Variants in SETBP1 observed in about 807,000 individuals in gnomAD.
SETBP1 encodes SET-binding protein.
Under a neutral mutation model 101.0 loss-of-function variants are expected in SETBP1, and 9 were observed. The observed-to-expected ratio is 0.09, with a 90% CI of 0.05 to 0.16. SETBP1 has a LOEUF of 0.16. Among genes scored for constraint, SETBP1 ranks in the 10% least tolerant of loss-of-function variants. The pLI is 1.00. For synonymous variants in SETBP1, 818 were observed against 788.5 expected, an observed-to-expected ratio of 1.04 and a Z score of -0.63; for missense variants, 1,858 against 2,033.8, an observed-to-expected ratio of 0.91 and a Z score of 1.66.
intron 4 of SETBP1, among the ~76,000 whole-genome samples, chr18:44,981,522 T>A (rs1425897850): frequency 6.6e-6 from 1 of 152,248 alleles, no homozygotes; most frequent in Non-Finnish European, 1.5e-5. Context: ...CCTTTGTCAA[T>A]AAAATCTGCA....
At chr18:44,731,327 G>A (rs536914144) in intron 2 of SETBP1, among the ~76,000 whole-genome samples, 46 of 152,278 alleles carry the variant, frequency 3.0e-4, no homozygotes, top group African/African-American at 1.0e-3. Context: ...CAGAAGCTGT[G>A]CTTTTTCCAC....
intron 2 of SETBP1, among the ~76,000 whole-genome samples, chr18:44,802,164 C>T (rs1004921320): frequency 8.5e-5 from 13 of 152,110 alleles, no homozygotes; most frequent in African/African-American, 3.1e-4. Context: ...ATTTTTTTTG[C>T]ATCAATGTCA....
chr18:44,781,400 C>T (rs1269124102), intron 2 of SETBP1, among the ~76,000 whole-genome samples: 1 of 151,860 alleles, frequency 6.6e-6, no homozygotes, highest in Non-Finnish European at 1.5e-5. Context: ...TTAATGTAAC[C>T]TCTTATCACC....
intron 4 of SETBP1, among the ~76,000 whole-genome samples, chr18:44,953,574 CCCTAATAGCTG>C (rs1409230389): frequency 6.6e-6 from 1 of 152,210 alleles, no homozygotes; most frequent in Non-Finnish European, 1.5e-5. Context: ...GAAGCCATAA[CCCTAATAGCTG>C]CCTAGGCTGC....
intron 1 of SETBP1, among the ~76,000 whole-genome samples, chr18:44,683,929 AG>A (rs1370622839): frequency 6.6e-6 from 1 of 152,220 alleles, no homozygotes; most frequent in Non-Finnish European, 1.5e-5. Context: ...TAGTATTGTA[AG>A]GAGGAGTTGC....
chr18:45,012,186 A>G (rs1366603448), intron 4 of SETBP1, among the ~76,000 whole-genome samples: 1 of 152,212 alleles, frequency 6.6e-6, no homozygotes, highest in Non-Finnish European at 1.5e-5. Context: ...TTATACTCAC[A>G]GTATTCCTGG....
At chr18:44,970,154 G>A (rs2071810946) in intron 4 of SETBP1, 1 of 154,666 alleles carries the variant, frequency 6.5e-6, no homozygotes, top group African/African-American at 2.4e-5. Context: ...CTTTGCTCAG[G>A]GACTCAAGCC....
At chr18:44,839,460 C>G (rs2144514815) in intron 2 of SETBP1, among the ~76,000 whole-genome samples, 1 of 126,122 alleles carries the variant, frequency 7.9e-6, no homozygotes, top group East Asian at 2.2e-4. Context: ...CGCACTGGCT[C>G]TTTGAGCATC....
chr18:44,799,584 G>T (rs1345562453), intron 2 of SETBP1, among the ~76,000 whole-genome samples: 1 of 148,490 alleles, frequency 6.7e-6, no homozygotes. Flanking sequence ...GCATCACAGG[G>T]ATAGTAATAT....
chr18:44,857,656 C>G (rs769338650), intron 2 of SETBP1, among the ~76,000 whole-genome samples: 12 of 152,154 alleles, frequency 7.9e-5, no homozygotes, highest in Non-Finnish European at 1.5e-5. Flanking sequence ...CTGTGTGTTA[C>G]ATTCATTTTG....
At chr18:44,747,608 C>T (rs1462626741) in intron 2 of SETBP1, among the ~76,000 whole-genome samples, 1 of 152,220 alleles carries the variant, frequency 6.6e-6, no homozygotes, top group African/African-American at 2.4e-5. Flanking sequence ...GCTGATGCCT[C>T]TGTCTGTTTC....
rs199603131 is a variant in SETBP1, at chr18:44,950,267, C to T, written c.927C>T (p.Asn309=). The T allele has an allele frequency of 4.2e-5, 67 of 1,614,024 alleles. No homozygotes were observed. In the Admixed American group the frequency reaches 5.3e-4, roughly 13 times the overall value. ...PAPPSSSAEC[N]GLQPLVDQDG... ...CACCCAGCAGCTCTGCTGAGTGCAA[C>T]GGGCTTCAGCCCTTGGTGGATCAAG... The change falls in exon 4 of 6, where the codon AAC becomes AAT. Residue 309 remains asparagine (N), a synonymous_variant. Transcript: ENST00000649279.
At chr18:44,716,075 A>AT (rs1021814551) in intron 2 of SETBP1, among the ~76,000 whole-genome samples, 5 of 151,658 alleles carry the variant, frequency 3.3e-5, no homozygotes, top group African/African-American at 9.7e-5. Flanking sequence ...CTTTCAGAAG[A>AT]TTTTTTTTTA....
At chr18:44,686,803 G>A (rs753319979) in intron 1 of SETBP1, among the ~76,000 whole-genome samples, 5 of 152,134 alleles carry the variant, frequency 3.3e-5, no homozygotes, top group Admixed American at 6.5e-5. Flanking sequence ...CCTTTCGGGG[G>A]TAATCACCCA....
intron 1 of SETBP1, among the ~76,000 whole-genome samples, chr18:44,692,556 A>C (rs1402052484): frequency 6.6e-6 from 1 of 152,152 alleles, no homozygotes; most frequent in East Asian, 1.9e-4. Flanking sequence ...CCTTGTCCTC[A>C]TGGAGCTTGT....
At chr18:44,989,726 G>A (rs890725482) in intron 4 of SETBP1, among the ~76,000 whole-genome samples, 6 of 151,038 alleles carry the variant, frequency 4.0e-5, no homozygotes, top group South Asian at 4.2e-4. Flanking sequence ...AAAATTAGCC[G>A]GGCATAGTGG....
chr18:44,967,184 G>C (rs1455285396), intron 4 of SETBP1, among the ~76,000 whole-genome samples: 1 of 152,176 alleles, frequency 6.6e-6, no homozygotes, highest in Admixed American at 6.5e-5. Flanking sequence ...AAGGTGTCAG[G>C]ATTATACCGT....
At chr18:44,787,778 C>T (rs1199188484) in intron 2 of SETBP1, among the ~76,000 whole-genome samples, 6 of 131,880 alleles carry the variant, frequency 4.5e-5, no homozygotes, top group African/African-American at 1.4e-4. Flanking sequence ...GGCGTGAACC[C>T]GGGAAGCGGA....
At chr18:44,969,778 C>G (rs1485462932) in intron 4 of SETBP1, among the ~76,000 whole-genome samples, 1 of 152,232 alleles carries the variant, frequency 6.6e-6, no homozygotes, top group Admixed American at 6.5e-5. Flanking sequence ...TGAAATGATT[C>G]TGAAGATCAA....
Sources: gnomAD v4.1 joint callset for allele counts (sites outside exome capture counted in the v4.1 genomes callset) on GRCh38, gnomAD v4.1.1 for gene constraint, MANE v1.5 for transcripts, NCBI Gene and HGNC (gene_info 2026-07-23, HGNC 2026-07-21) for gene names.